The following RABL2B variants were observed in gnomAD, a reference collection of about 807,000 sequenced individuals.
RABL2B encodes the protein RAB, member of RAS oncogene family like 2B.
RABL2B carries 17 observed loss-of-function variants against 26.7 expected under a neutral mutation model. The observed-to-expected ratio is 0.64, with a 90% CI of 0.44 to 0.95. RABL2B has a LOEUF of 0.95. Among genes scored for constraint, RABL2B ranks in the 40% least tolerant of loss-of-function variants. RABL2B has a pLI of 0.00. For synonymous variants in RABL2B, 70 were observed against 103.9 expected (o/e 0.67, Z 1.99); for missense variants, 170 against 277.2 (o/e 0.61, Z 2.75).
At chr22:50,769,258 G>T in intron 7 of RABL2B, 134 bp from the exon 8 acceptor site, 1 of 659,504 alleles carries the variant, frequency 1.5e-6, no homozygotes, top group East Asian at 2.7e-5. Flanking sequence ...GCCTCTCCCC[G>T]TCACCCTGAC....
chr22:50,774,194 C>T (rs1457875694), intron 5 of RABL2B, among the ~76,000 whole-genome samples: 3 of 152,196 alleles, frequency 2.0e-5, no homozygotes, highest in Admixed American at 6.5e-5. Context: ...CGCGCCCGGC[C>T]CGTGGCAGAC....
In RABL2B at chr22:50,768,815, G is replaced by C. The variant is rs782344974; in HGVS notation, c.651C>G (p.Ile217Met). ...DVPDQEQSSS[I>M]ETPSEEAASP... ...AGGCCGCCTCCTCTGATGGGGTCTC[G>C]ATGCTGCTGCTCTGTTCCTGGTCTG... Residue 217 changes from isoleucine (I) to methionine (M), a missense_variant, in exon 9 of 9, where the codon ATC becomes ATG. Physicochemically the swap from Ile to Met is conservative, Grantham distance 10. Transcript: ENST00000691320. The C allele has an allele frequency of 4.3e-6, 7 of 1,613,648 alleles. No individual in the cohort carries two copies. In the African/African-American group the frequency reaches 6.7e-5, roughly 15 times the overall value.
chr22:50,780,604 T>G (rs1217007103), intron 2 of RABL2B: 8 of 458,162 alleles, frequency 1.7e-5, no homozygotes, highest in Non-Finnish European at 3.6e-5. Flanking sequence ...AGTGTTCTCA[T>G]GCACTCACCT....
chr22:50,775,824 C>G lies in RABL2B; in HGVS notation c.245G>C (p.Arg82Pro). The G allele has an allele frequency of 6.2e-7, 1 of 1,614,194 alleles. No individual in the cohort carries two copies. Among genetic ancestry groups the G allele is most frequent in the Non-Finnish European group, 8.5e-7 (1 of 1,180,046 alleles). ...VDFWDTAGQE[R>P]FQSMHASYYH... ...GTAGGAGGCATGCATGCTCTGGAAC[C>G]GCTCCTGGCCTGCCGTGTCCCAAAA... The change falls in exon 5 of 9, where the codon CGG (arginine) becomes CCG (proline). Residue 82 changes from arginine (R) to proline (P), a missense_variant. This residue lies in a region of RABL2B where 165 missense variants were observed against 232.0 expected (regional missense o/e 0.71). Transcript: ENST00000691320.
chr22:50,777,048 A>G (rs569001402), intron 3 of RABL2B, among the ~76,000 whole-genome samples: 1 of 152,156 alleles, frequency 6.6e-6, no homozygotes, highest in Non-Finnish European at 1.5e-5. Context: ...GCAGTTGGAA[A>G]ATGCAAATGT....
rs1458512101 is a variant in RABL2B at position 50,767,733 on chromosome 22, A to G, written c.*1043T>C. 3 of 455,080 alleles carry G rather than the reference A, an allele frequency of 6.6e-6. No individual in the cohort carries two copies. The highest frequency in any genetic ancestry group is 1.6e-5 in the South Asian group (1 of 64,334). The allele number at this position is 455,080 out of a possible 1,614,324, so 28.2% of individuals were successfully genotyped here. On this transcript the variant is annotated 3_prime_UTR_variant, in exon 9 of 9. Transcript: ENST00000691320. Reference sequence around the variant, plus strand: ...CCTCAAAAAAAAGGACAGCCTCTTTATGCTGAAATAGGAACTTTAAAGGAA... The same window carrying G: ...CCTCAAAAAAAAGGACAGCCTCTTTGTGCTGAAATAGGAACTTTAAAGGAA...
chr22:50,768,202 T>C lies in RABL2B; in HGVS notation c.*574A>G, dbSNP rs1296382587. On this transcript the variant is annotated 3_prime_UTR_variant, in exon 9 of 9. Coordinates refer to ENST00000691320, the MANE Select transcript of RABL2B (RefSeq NM_001130919.3). Reference sequence around the variant, plus strand: ...TTGCAGCGAGCCGAGACTGCGCCACTGCACTCCAGCCTGGCGACAGAGCGA... The same window carrying C: ...TTGCAGCGAGCCGAGACTGCGCCACCGCACTCCAGCCTGGCGACAGAGCGA... 2 of 201,862 alleles carry C rather than the reference T, an allele frequency of 9.9e-6. No individual in the cohort carries two copies. The highest frequency in any genetic ancestry group is 4.8e-5 in the African/African-American group (2 of 41,652). 12.5% of individuals were successfully genotyped at this position (201,862 alleles called of 1,614,324 possible). A position where few individuals can be genotyped will look rare whatever the true frequency, so the allele number is the denominator to read the frequency against.
chr22:50,776,250 A>G (rs2084961657), intron 4 of RABL2B, among the ~76,000 whole-genome samples: 1 of 152,198 alleles, frequency 6.6e-6, no homozygotes, highest in South Asian at 2.1e-4. Flanking sequence ...GCCAAGGAGA[A>G]GATTATGACC....
At chr22:50,777,252 C>T (rs1390600071) in intron 3 of RABL2B, among the ~76,000 whole-genome samples, 2 of 152,138 alleles carry the variant, frequency 1.3e-5, no homozygotes, top group African/African-American at 2.4e-5. Context: ...TAACAGCTTC[C>T]GAGGCTGCAA....
At chr22:50,778,614 T>C (rs2085338193) in intron 2 of RABL2B, among the ~76,000 whole-genome samples, 1 of 152,014 alleles carries the variant, frequency 6.6e-6, no homozygotes, top group Admixed American at 6.6e-5. Flanking sequence ...TGGTTCCCCA[T>C]TTCTTTCAGT....
At chr22:50,776,484 C>G (rs553021287) in intron 4 of RABL2B, among the ~76,000 whole-genome samples, 186 bp downstream of exon 4, 1 of 152,310 alleles carries the variant, frequency 6.6e-6, no homozygotes, top group African/African-American at 2.4e-5. Context: ...TGGGACTTGG[C>G]CCCTGCATGC....
intron 5 of RABL2B, among the ~76,000 whole-genome samples, chr22:50,773,715 G>C (rs1555920855): frequency 6.6e-6 from 1 of 151,374 alleles, no homozygotes; most frequent in Admixed American, 6.6e-5. Context: ...GTGACAATGA[G>C]CAGAACAGAG....
At chr22:50,772,644 C>G in intron 5 of RABL2B, 1 of 1,020,636 alleles carries the variant, frequency 9.8e-7, no homozygotes, top group Non-Finnish European at 1.2e-6. Context: ...CAGCAACTGT[C>G]ACATCTCAAG....
chr22:50,772,039 C>T (rs2084269479), intron 5 of RABL2B: 1 of 152,014 alleles, frequency 6.6e-6, no homozygotes, highest in African/African-American at 2.4e-5. Flanking sequence ...GAGTCTTGCT[C>T]TGTTGCCCAG....
chr22:50,782,593 AG>A (rs1371609149), intron 1 of RABL2B, among the ~76,000 whole-genome samples: 4 of 151,966 alleles, frequency 2.6e-5, no homozygotes, highest in African/African-American at 9.7e-5. Context: ...GACATTCACC[AG>A]GCATCCAGTG....
intron 2 of RABL2B, among the ~76,000 whole-genome samples, chr22:50,779,905 T>C (rs1555927234): frequency 1.3e-5 from 2 of 152,082 alleles, no homozygotes; most frequent in African/African-American, 4.8e-5. Flanking sequence ...TGCTTGAACC[T>C]GGGAGGCGGA....
chr22:50,775,898 G>A, intron 4 of RABL2B, 47 bp from the exon 5 acceptor site: 7 of 1,613,912 alleles, frequency 4.3e-6, no homozygotes, highest in Non-Finnish European at 5.9e-6. Context: ...GCACTTCTGT[G>A]CAAGTCACTA....
In RABL2B at chr22:50,767,818, C is replaced by T. The variant is rs1440632188; in HGVS notation, c.*958G>A. On this transcript the variant is annotated 3_prime_UTR_variant, in exon 9 of 9. Coordinates refer to ENST00000691320, the MANE Select transcript of RABL2B (RefSeq NM_001130919.3). The stretch of plus-strand genomic sequence containing the variant: ...GTATGGCTGTAAGGACTCGATTTTA[C>T]GGCTTGTGTATTCCTAACTATAGCT... The T allele has an allele frequency of 1.1e-5, 5 of 447,940 alleles. No individual in the cohort carries two copies. The highest frequency in any genetic ancestry group is 2.2e-5 in the Non-Finnish European group (5 of 224,364). 27.7% of individuals were successfully genotyped at this position (447,940 alleles called of 1,614,324 possible). A position where few individuals can be genotyped will look rare whatever the true frequency, so the allele number is the denominator to read the frequency against.
At chr22:50,781,069 G>A (rs1339695256) in intron 2 of RABL2B, among the ~76,000 whole-genome samples, 6 of 152,040 alleles carry the variant, frequency 3.9e-5, no homozygotes, top group Admixed American at 6.5e-5. Context: ...GGCCGGGCGC[G>A]GTGGCTCATG....
Sources: allele counts gnomAD v4.1 joint callset (sites outside exome capture counted in the v4.1 genomes callset), GRCh38; gene constraint gnomAD v4.1.1; regional missense constraint gnomAD v4.1.1; transcripts MANE v1.5; gene names NCBI Gene and HGNC (gene_info 2026-07-23, HGNC 2026-07-21).